The following EML5 variants were observed in gnomAD, a reference collection of about 807,000 sequenced individuals.
EML5 encodes echinoderm microtubule-associated protein-like 5.
Under a neutral mutation model 250.0 loss-of-function variants are expected in EML5, and 120 were observed. That is an observed-to-expected ratio of 0.48 (90% CI 0.41 to 0.56). EML5 has a LOEUF of 0.56. EML5 is among the 20% of genes least tolerant of loss of function. The pLI, the probability that EML5 is intolerant of heterozygous loss-of-function variation, is 0.00. For missense variants in EML5, 2,006 were observed against 2,437.6 expected (o/e 0.82, Z 3.73); for synonymous variants, 771 against 806.5 (o/e 0.96, Z 0.75).
At chr14:88,716,732 A>AAC (rs58701181) in intron 8 of EML5, among the ~76,000 whole-genome samples, 31,184 of 147,938 alleles carry the variant, frequency 0.21, 3,262 homozygotes, top group East Asian at 0.35. Context: ...ACTGCTCACC[A>AAC]ACACACACAC....
chr14:88,788,639 G>A (rs1224220294), intron 1 of EML5, among the ~76,000 whole-genome samples: 1 of 151,954 alleles, frequency 6.6e-6, no homozygotes. Context: ...AATGCCCCAA[G>A]TTAATTATAT....
intron 31 of EML5, among the ~76,000 whole-genome samples, chr14:88,641,518 A>G (rs914501659): frequency 2.6e-5 from 4 of 152,224 alleles, no homozygotes; most frequent in Admixed American, 6.5e-5. Context: ...TTGGTTCAAC[A>G]TATGCAAATT....
intron 1 of EML5, among the ~76,000 whole-genome samples, chr14:88,755,654 A>C (rs2094149056): frequency 6.6e-6 from 1 of 152,142 alleles, no homozygotes; most frequent in South Asian, 2.1e-4. Flanking sequence ...CACACCTGGC[A>C]TCACGGTGGA....
intron 13 of EML5, among the ~76,000 whole-genome samples, chr14:88,703,962 C>T (rs970841678): frequency 6.6e-6 from 1 of 152,160 alleles, no homozygotes; most frequent in Non-Finnish European, 1.5e-5. Flanking sequence ...TTACATAGTG[C>T]TTATTATGTG....
intron 27 of EML5, among the ~76,000 whole-genome samples, chr14:88,655,202 G>T (rs762669746): frequency 1.3e-5 from 2 of 152,094 alleles, no homozygotes; most frequent in Non-Finnish European, 2.9e-5. Flanking sequence ...AAAGCTGGAG[G>T]CATCATGCTA....
chr14:88,791,240 C>G (rs2140902591), intron 1 of EML5, among the ~76,000 whole-genome samples: 1 of 152,284 alleles, frequency 6.6e-6, no homozygotes. Flanking sequence ...GACTTCAAAC[C>G]AAGGTACCGT....
chr14:88,677,426 T>C (rs966015485), intron 21 of EML5, among the ~76,000 whole-genome samples: 2 of 152,162 alleles, frequency 1.3e-5, no homozygotes, highest in Non-Finnish European at 2.9e-5. Flanking sequence ...TCAAAAGCAA[T>C]TGCAAAAAGG....
At chr14:88,622,448 G>A in intron 37 of EML5, 156 bp downstream of exon 37, 1 of 528,494 alleles carries the variant, frequency 1.9e-6, no homozygotes, top group Non-Finnish European at 3.1e-6. Context: ...TGCTAACTTT[G>A]GCAAAGAAAG....
intron 14 of EML5, among the ~76,000 whole-genome samples, 157 bp from the exon 15 acceptor site, chr14:88,697,109 T>C (rs946627459): frequency 6.6e-6 from 1 of 152,218 alleles, no homozygotes; most frequent in Non-Finnish European, 1.5e-5. Flanking sequence ...TGACTGATAT[T>C]TTTTTCTTAT....
chr14:88,652,727 T>C (rs969316480), intron 27 of EML5, among the ~76,000 whole-genome samples: 1 of 152,206 alleles, frequency 6.6e-6, no homozygotes, highest in Non-Finnish European at 1.5e-5. Context: ...TTTTTTGTTC[T>C]TTAAACCTCT....
intron 1 of EML5, among the ~76,000 whole-genome samples, chr14:88,756,612 T>C (rs1047365798): frequency 2.6e-5 from 4 of 151,894 alleles, no homozygotes; most frequent in African/African-American, 9.7e-5. Context: ...AACCAAAAAA[T>C]GAAGAGCTAA....
chr14:88,702,540 C>T lies in EML5; in HGVS notation c.2144G>A (p.Arg715Gln), dbSNP rs747945293. 3.8e-5 allele frequency: 62 copies of T among 1,613,036 alleles called. No homozygotes were observed. Among genetic ancestry groups the T allele is most frequent in the East Asian group, 6.7e-5 (3 of 44,818 alleles). The change falls in exon 14 of 44, where the codon CGA (arginine) becomes CAA (glutamine). Residue 715 changes from arginine (R) to glutamine (Q), a missense_variant. Physicochemically the swap from Arg to Gln is conservative, Grantham distance 43. Coordinates refer to ENST00000554922, the MANE Select transcript of EML5 (RefSeq NM_183387.3). Reference sequence around the variant, plus strand: ...ATAAAAACGCTGTGTGTTTTGCTGTCGATTATAAATGACACCCACTGCTGC... The same window carrying T: ...ATAAAAACGCTGTGTGTTTTGCTGTTGATTATAAATGACACCCACTGCTGC... The part of the protein sequence containing the change: ...HVAAVGVIYN[R>Q]QQNTQRFYLG...
chr14:88,773,267 T>C (rs1283210949), intron 1 of EML5, among the ~76,000 whole-genome samples: 1 of 152,226 alleles, frequency 6.6e-6, no homozygotes, highest in East Asian at 1.9e-4. Flanking sequence ...GTGAGCATTT[T>C]TCTGGACTGA....
intron 33 of EML5, among the ~76,000 whole-genome samples, chr14:88,631,135 G>A (rs973347924): frequency 6.6e-6 from 1 of 151,952 alleles, no homozygotes; most frequent in Non-Finnish European, 1.5e-5. Context: ...AGTCTTAGGA[G>A]GGCTGAAATT....
At chr14:88,626,639 C>A in intron 35 of EML5, 199 bp downstream of exon 35, 1 of 610,180 alleles carries the variant, frequency 1.6e-6, no homozygotes, top group Non-Finnish European at 2.8e-6. Flanking sequence ...AAATCCTTTT[C>A]CCCCTCTCAT....
At chr14:88,688,812 G>A (rs143317471) in intron 17 of EML5, among the ~76,000 whole-genome samples, 123 of 152,160 alleles carry the variant, frequency 8.1e-4, no homozygotes, top group African/African-American at 2.7e-3. Context: ...CTATATATCC[G>A]CTGACCTACA....
rs567110031 is a variant in EML5, at chr14:88,737,569, T to C, written c.848-1004A>G. Among the ~76,000 whole-genome samples, 34 of 152,362 alleles carry C rather than the reference T, an allele frequency of 2.2e-4. No homozygotes were observed. In the East Asian group the frequency reaches 6.6e-3, roughly 29 times the overall value. On this transcript the variant is annotated intron_variant, in intron 6 of 43. Transcript: ENST00000554922. ...AGCTGGCAAGGTAGCACCCAAAATA[T>C]CCTGTGTCAATAATTCCAATCTTCC...
intron 33 of EML5, among the ~76,000 whole-genome samples, chr14:88,631,539 C>T (rs1269644807): frequency 1.3e-5 from 2 of 152,190 alleles, no homozygotes; most frequent in African/African-American, 2.4e-5. Flanking sequence ...GAAGCTGAGG[C>T]GGGTGGATAA....
chr14:88,776,235 C>T (rs924769118), intron 1 of EML5, among the ~76,000 whole-genome samples: 2 of 152,146 alleles, frequency 1.3e-5, no homozygotes, highest in Non-Finnish European at 2.9e-5. Flanking sequence ...TCAACACCAT[C>T]CAAGAAAACA....
Sources: allele counts gnomAD v4.1 joint callset (sites outside exome capture counted in the v4.1 genomes callset), GRCh38; gene constraint gnomAD v4.1.1; transcripts MANE v1.5; gene names NCBI Gene and HGNC (gene_info 2026-07-23, HGNC 2026-07-21).